OAS1: variants seen among roughly 807,000 people sequenced by gnomAD.
OAS1 encodes 2'-5'-oligoadenylate synthase 1.
In OAS1, 24 loss-of-function variants were observed where a neutral mutation model predicts 38.5. The ratio of observed to expected loss-of-function variants is 0.62; its 90% CI spans 0.45 to 0.88. The LOEUF is 0.88. OAS1 is among the 40% of genes least tolerant of loss of function. The pLI is 0.00. For synonymous variants in OAS1, 169 were observed against 193.9 expected, an observed-to-expected ratio of 0.87 and a Z score of 1.07; for missense variants, 482 against 493.9, an observed-to-expected ratio of 0.98 and a Z score of 0.23.
At chr12:112,924,061 G>A (rs2043545636), downstream of OAS1, among the ~76,000 whole-genome samples, 1 of 152,174 alleles carries the variant, frequency 6.6e-6, no homozygotes. Flanking sequence ...ATTTTTATAT[G>A]GCATGTGAGG....
chr12:112,924,140 A>G (rs57560094), downstream of OAS1, among the ~76,000 whole-genome samples: 358 of 152,342 alleles, frequency 2.3e-3, 1 homozygote, highest in African/African-American at 7.9e-3. Flanking sequence ...TGAACGGATC[A>G]TGTTCTCTCC....
rs150398756 is a variant in OAS1 at position 112,907,283 on chromosome 12, T to TGAGAGA, written c.180+79_180+84dup. 1.2e-4 allele frequency: 180 copies of TGAGAGA among 1,460,456 alleles called. 2 individuals are homozygous for TGAGAGA. The highest frequency in any genetic ancestry group is 1.1e-3 in the South Asian group (88 of 83,144). The allele number at this position is 1,460,456 out of a possible 1,614,324, so 90.5% of individuals were successfully genotyped here. On this transcript the variant is annotated intron_variant, in intron 1 of 5. Transcript: ENST00000202917. The stretch of plus-strand genomic sequence containing the variant: ...AATGTGCAAGAGTTGAGATTGAGAA[T>TGAGAGA]GAGAGAGAGAGAGAGAGAGAAGCAA...
At chr12:112,920,099 C>T (rs559857402), downstream of OAS1, among the ~76,000 whole-genome samples, 7 of 152,308 alleles carry the variant, frequency 4.6e-5, no homozygotes, top group Admixed American at 3.3e-4. Context: ...CATGACCCTG[C>T]AGAGCCAAGA....
At chr12:112,927,248 A>C (rs1415145555) in intron 6 of OAS1, among the ~76,000 whole-genome samples, 2 of 152,208 alleles carry the variant, frequency 1.3e-5, no homozygotes, top group African/African-American at 4.8e-5. Flanking sequence ...GAGAGTATTG[A>C]TTGAGGAAGT....
downstream of OAS1, among the ~76,000 whole-genome samples, chr12:112,922,051 C>T (rs1284892599): frequency 6.6e-6 from 1 of 152,208 alleles, no homozygotes; most frequent in African/African-American, 2.4e-5. Context: ...TATGCCCCTA[C>T]TCTGATGGGG....
chr12:112,925,746 G>T (rs370273044), intron 6 of OAS1, among the ~76,000 whole-genome samples: 1 of 152,264 alleles, frequency 6.6e-6, no homozygotes, highest in African/African-American at 2.4e-5. Flanking sequence ...TGATCAAGCC[G>T]CTGCACTCCA....
intron 6 of OAS1, among the ~76,000 whole-genome samples, chr12:112,930,892 T>C (rs2043592891): frequency 6.6e-6 from 1 of 152,224 alleles, no homozygotes; most frequent in South Asian, 2.1e-4. Flanking sequence ...GCTCTTTCTT[T>C]CTCTCTTCTC....
At chr12:112,908,947 T>G in intron 2 of OAS1, 123 bp downstream of exon 2, 2 of 1,065,932 alleles carry the variant, frequency 1.9e-6, no homozygotes, top group Non-Finnish European at 2.7e-6. Flanking sequence ...GATCTTAGGA[T>G]CTGTCCCGGG....
chr12:112,911,429 G>A (rs543313107), intron 3 of OAS1, among the ~76,000 whole-genome samples, 194 bp downstream of exon 3: 2 of 152,028 alleles, frequency 1.3e-5, no homozygotes, highest in Admixed American at 1.3e-4. Flanking sequence ...TGAAAGGGAA[G>A]GAAGAGAGAA....
intron 3 of OAS1, among the ~76,000 whole-genome samples, chr12:112,915,174 T>C (rs2043439287): frequency 6.6e-6 from 1 of 152,224 alleles, no homozygotes; most frequent in East Asian, 1.9e-4. Flanking sequence ...TTTGGGTTCT[T>C]GGTCATGAAG....
chr12:112,928,889 G>A lies in OAS1; in HGVS notation c.1168-2989G>A, dbSNP rs139085159. 6.1e-3 allele frequency among the ~76,000 whole-genome samples: 930 copies of A among 152,336 alleles called. 8 individuals carry two copies. The highest frequency in any genetic ancestry group is 9.6e-3 in the Non-Finnish European group (650 of 68,026). On this transcript the variant is annotated intron_variant, in intron 6 of 6. Transcript: ENST00000540589. ...ACTGAGGTCTGGCAGATGGCTAGAA[G>A]TGGCGCTTTCTCTTGAGGATTGGGG...
chr12:112,919,623 T>C lies in OAS1; in HGVS notation c.*70T>C, dbSNP rs1321670394. 6.2e-7 allele frequency: 1 copy of C among 1,612,804 alleles called. No homozygotes were observed. The highest frequency in any genetic ancestry group is 1.3e-5 in the African/African-American group (1 of 75,020). On this transcript the variant is annotated 3_prime_UTR_variant, in exon 6 of 6. Coordinates refer to ENST00000202917, the MANE Select transcript of OAS1 (RefSeq NM_016816.4). ...CAGTTCCTTCATTTTCAGGTGGGAC[T>C]CTTGATCCAGAGAGGACAAAGCTCC...
chr12:112,910,122 C>T (rs1253667383), intron 2 of OAS1, among the ~76,000 whole-genome samples: 1 of 152,178 alleles, frequency 6.6e-6, no homozygotes, highest in African/African-American at 2.4e-5. Context: ...AATCTCAGCA[C>T]TTTGGGAGGC....
intron 5 of OAS1, 166 bp from the exon 6 acceptor site, chr12:112,919,223 C>T (rs1008703889): frequency 9.3e-6 from 6 of 648,264 alleles, no homozygotes; most frequent in South Asian, 3.9e-5. Flanking sequence ...AAAGGGCTGA[C>T]GGCTGAAGTC....
Position 112,917,628 on chromosome 12 carries a change from G to T in OAS1, c.966G>T (p.Glu322Asp). 6.2e-7 allele frequency: 1 copy of T among 1,614,238 alleles called. No homozygotes were observed. The highest frequency in any genetic ancestry group is 8.5e-7 in the Non-Finnish European group (1 of 1,180,040). Residue 322 changes from glutamate (E) to aspartate (D), a missense_variant, in exon 5 of 6, where the codon GAG becomes GAT. Physicochemically the swap from Glu to Asp is conservative, Grantham distance 45. Coordinates refer to ENST00000202917, the MANE Select transcript of OAS1 (RefSeq NM_016816.4). ...AGGGTTGGAGGCAGCTGGCACAAGA[G>T]GCTGAGGCCTGGCTGAATTACCCAT... ...DPKGWRQLAQ[E>D]AEAWLNYPCF...
At chr12:112,918,354 G>T in intron 5 of OAS1, 1 of 231,728 alleles carries the variant, frequency 4.3e-6, no homozygotes. Context: ...AATACTCCAT[G>T]GTGTAGATAT....
At chr12:112,907,306 C>A (rs1048709759) in intron 1 of OAS1, 87 bp downstream of exon 1, 4 of 1,345,196 alleles carry the variant, frequency 3.0e-6, no homozygotes, top group Non-Finnish European at 4.2e-6. Flanking sequence ...GAGAGAGAAG[C>A]AAAAACCTAG....
chr12:112,932,147 C>T (rs374519702), downstream of OAS1: 1 of 481,102 alleles, frequency 2.1e-6, no homozygotes, highest in Non-Finnish European at 3.6e-6. Flanking sequence ...TCCCTCTCTT[C>T]CTCCCTGTCT....
chr12:112,928,646 A>G (rs1298806313), intron 6 of OAS1, among the ~76,000 whole-genome samples: 1 of 152,232 alleles, frequency 6.6e-6, no homozygotes, highest in African/African-American at 2.4e-5. Context: ...CAGAAGCACA[A>G]GCGAGTAAAC....
Sources: allele counts gnomAD v4.1 joint callset (sites outside exome capture counted in the v4.1 genomes callset), GRCh38; gene constraint gnomAD v4.1.1; transcripts MANE v1.5; gene names NCBI Gene and HGNC (gene_info 2026-07-23, HGNC 2026-07-21).